CNTN5: variants seen among roughly 807,000 people sequenced by gnomAD.
CNTN5 encodes the protein contactin 5.
A neutral mutation model predicts 129.1 loss-of-function variants in CNTN5; 77 were observed. That is an observed-to-expected ratio of 0.60 (90% confidence interval 0.50 to 0.72). The LOEUF is 0.72. Among genes scored for constraint, CNTN5 ranks in the 30% least tolerant of loss-of-function variants. The pLI is 0.00. For missense variants in CNTN5, 1,478 were observed against 1,328.8 expected (o/e 1.11, Z -1.75); for synonymous variants, 509 against 465.6 (o/e 1.09, Z -1.20).
At chr11:99,893,059 A>G (rs1478109362) in intron 6 of CNTN5, among the ~76,000 whole-genome samples, 1 of 152,150 alleles carries the variant, frequency 6.6e-6, no homozygotes, top group Non-Finnish European at 1.5e-5. Flanking sequence ...GTCTCAGCAA[A>G]TGTTTCCAGG....
intron 2 of CNTN5, among the ~76,000 whole-genome samples, chr11:99,531,625 C>T (rs1164481217): frequency 6.6e-6 from 1 of 152,194 alleles, no homozygotes; most frequent in Non-Finnish European, 1.5e-5. Context: ...CCAGCGTCCC[C>T]GTGCTGTGTG....
intron 2 of CNTN5, among the ~76,000 whole-genome samples, chr11:99,448,162 A>T (rs1005302793): frequency 3.9e-5 from 6 of 152,290 alleles, no homozygotes; most frequent in African/African-American, 1.4e-4. Context: ...TAAACATGCA[A>T]AGGATAAGAG....
chr11:99,528,452 T>C (rs546932641), intron 2 of CNTN5, among the ~76,000 whole-genome samples: 1 of 152,328 alleles, frequency 6.6e-6, no homozygotes, highest in South Asian at 2.1e-4. Flanking sequence ...GCTTTATAAC[T>C]GGAGTCATCT....
At chr11:100,045,331 G>A (rs1942608621) in intron 9 of CNTN5, among the ~76,000 whole-genome samples, 1 of 152,038 alleles carries the variant, frequency 6.6e-6, no homozygotes, top group Admixed American at 6.6e-5. Flanking sequence ...CATGGTTTAA[G>A]GTTGTGTGTT....
At chr11:99,292,795 G>A (rs1218602510) in intron 1 of CNTN5, among the ~76,000 whole-genome samples, 1 of 152,122 alleles carries the variant, frequency 6.6e-6, no homozygotes, top group African/African-American at 2.4e-5. Context: ...AGGGAGATGA[G>A]GCCAAGCCTT....
At chr11:99,499,397 A>G (rs764463431) in intron 2 of CNTN5, among the ~76,000 whole-genome samples, 1 of 152,156 alleles carries the variant, frequency 6.6e-6, no homozygotes, top group Non-Finnish European at 1.5e-5. Context: ...ATTTGCATGC[A>G]GCGTTCAGTC....
intron 8 of CNTN5, among the ~76,000 whole-genome samples, chr11:99,989,426 G>C (rs2137402593): frequency 6.6e-6 from 1 of 151,878 alleles, no homozygotes; most frequent in Non-Finnish European, 1.5e-5. Context: ...CACACGTCTT[G>C]GTGGCAGGTC....
At chr11:99,766,734 C>T (rs2135309688) in intron 3 of CNTN5, among the ~76,000 whole-genome samples, 1 of 152,064 alleles carries the variant, frequency 6.6e-6, no homozygotes, top group Non-Finnish European at 1.5e-5. Context: ...TGCTTTAAAG[C>T]AGATTTTTTA....
At chr11:100,162,000 G>T (rs1219335677) in intron 13 of CNTN5, among the ~76,000 whole-genome samples, 1 of 151,662 alleles carries the variant, frequency 6.6e-6, no homozygotes, top group Non-Finnish European at 1.5e-5. Context: ...AATTGAGAGT[G>T]GTTCACTATG....
At position 100,029,199 on chromosome 11, in the gene CNTN5, A is replaced by C. The variant is rs561392906; in HGVS notation, c.980+27063A>C. ...AAAACAACTTGAATCATGTCTAAGA[A>C]AGTCTGGTTTTAGTTATAATATCAA... is the stretch of plus-strand genomic sequence containing the variant. On this transcript the variant is annotated intron_variant, in intron 9 of 24. Coordinates refer to ENST00000524871, the MANE Select transcript of CNTN5 (RefSeq NM_014361.4). Among the ~76,000 whole-genome samples the C allele has an allele frequency of 1.8e-4, 27 of 152,318 alleles. 1 individual carries two copies. In the South Asian group the frequency reaches 5.4e-3, roughly 30 times the overall value.
chr11:99,660,966 A>G (rs971061302), intron 3 of CNTN5, among the ~76,000 whole-genome samples: 11 of 151,976 alleles, frequency 7.2e-5, no homozygotes, highest in African/African-American at 2.7e-4. Flanking sequence ...GCATCTGGGA[A>G]AATACATTGA....
chr11:99,182,217 A>T (rs999255447), intron 1 of CNTN5, among the ~76,000 whole-genome samples: 18 of 152,210 alleles, frequency 1.2e-4, no homozygotes, highest in African/African-American at 4.3e-4. Flanking sequence ...ATATTTTAAT[A>T]CTATTAGTTT....
chr11:99,437,800 G>A (rs1478363879), intron 2 of CNTN5, among the ~76,000 whole-genome samples: 3 of 151,996 alleles, frequency 2.0e-5, no homozygotes, highest in African/African-American at 7.3e-5. Flanking sequence ...TCCAGCCTGG[G>A]CAAAAAAGCG....
chr11:99,955,942 G>T (rs1426368321), intron 7 of CNTN5, among the ~76,000 whole-genome samples: 1 of 152,080 alleles, frequency 6.6e-6, no homozygotes, highest in African/African-American at 2.4e-5. Context: ...AAATTTTTCT[G>T]TGGAAAACAG....
chr11:99,217,579 C>G (rs1860194218), intron 1 of CNTN5, among the ~76,000 whole-genome samples: 1 of 152,148 alleles, frequency 6.6e-6, no homozygotes, highest in Non-Finnish European at 1.5e-5. Flanking sequence ...CTCAGATGCA[C>G]TTTGAGTAGC....
At chr11:100,060,402 TAAC>T (rs1034838445) in intron 9 of CNTN5, among the ~76,000 whole-genome samples, 8 of 151,994 alleles carry the variant, frequency 5.3e-5, no homozygotes, top group African/African-American at 1.2e-4. Context: ...ATTTAAAAAA[TAAC>T]AAAACAGAAA....
At chr11:99,712,529 T>A (rs564713387) in intron 3 of CNTN5, among the ~76,000 whole-genome samples, 5 of 152,270 alleles carry the variant, frequency 3.3e-5, no homozygotes, top group Non-Finnish European at 7.4e-5. Flanking sequence ...TTGTTTTTGG[T>A]GTTTTAGTCA....
At chr11:99,489,426 A>C (rs1003059576) in intron 2 of CNTN5, among the ~76,000 whole-genome samples, 1 of 152,130 alleles carries the variant, frequency 6.6e-6, no homozygotes, top group Non-Finnish European at 1.5e-5. Context: ...ACCATTTAGT[A>C]TTTTACAGCA....
At chr11:100,254,067 C>G (rs1168335963) in intron 16 of CNTN5, among the ~76,000 whole-genome samples, 1 of 152,148 alleles carries the variant, frequency 6.6e-6, no homozygotes, top group Non-Finnish European at 1.5e-5. Flanking sequence ...ATCAGAATTA[C>G]AAACTCCCAA....
Sources: allele counts gnomAD v4.1 joint callset (sites outside exome capture counted in the v4.1 genomes callset), GRCh38; gene constraint gnomAD v4.1.1; transcripts MANE v1.5; gene names NCBI Gene and HGNC (gene_info 2026-07-23, HGNC 2026-07-21).